SLC24A2: variants seen among roughly 807,000 people sequenced by gnomAD.
SLC24A2 encodes the protein solute carrier family 24 member 2.
Under a neutral mutation model 62.0 loss-of-function variants are expected in SLC24A2, and 36 were observed. The observed-to-expected ratio is 0.58, with a 90% CI of 0.44 to 0.77. The LOEUF (loss-of-function observed/expected upper bound fraction) is 0.77. Among genes scored for constraint, SLC24A2 ranks in the 30% least tolerant of loss-of-function variants. The probability of loss-of-function intolerance (pLI) is 0.00; values close to 1 mark genes in which losing one functional copy is unlikely to be tolerated. For missense variants in SLC24A2, 846 were observed against 817.9 expected, an observed-to-expected ratio of 1.03 and a Z score of -0.42; for synonymous variants, 358 against 294.0, an observed-to-expected ratio of 1.22 and a Z score of -2.23.
At chr9:19,742,776 A>G (rs558821040) in intron 2 of SLC24A2, among the ~76,000 whole-genome samples, 1 of 152,252 alleles carries the variant, frequency 6.6e-6, no homozygotes, top group South Asian at 2.1e-4. Flanking sequence ...CCCTACCTCC[A>G]CATACATACA....
At chr9:19,519,348 C>CTT (rs1563927301) in intron 10 of SLC24A2, among the ~76,000 whole-genome samples, 10 of 105,200 alleles carry the variant, frequency 9.5e-5, no homozygotes, top group Admixed American at 3.1e-4. Context: ...TTTAAACTTC[C>CTT]TTGTGTGTGT....
intron 2 of SLC24A2, among the ~76,000 whole-genome samples, chr9:19,700,484 C>A (rs1255482627): frequency 6.6e-6 from 1 of 152,118 alleles, no homozygotes; most frequent in East Asian, 1.9e-4. Flanking sequence ...CCTTTCTCCA[C>A]CCTTTTACGA....
chr9:20,018,096 G>A, the SLC24A2 span, among the ~76,000 whole-genome samples: 6 of 152,042 alleles, frequency 3.9e-5, no homozygotes, highest in East Asian at 3.9e-4. Context: ...ACAGGCACCC[G>A]CCACCAGGCC....
the SLC24A2 span, among the ~76,000 whole-genome samples, chr9:19,885,484 G>T: frequency 1.6e-4 from 24 of 152,292 alleles, no homozygotes; most frequent in African/African-American, 5.5e-4. Flanking sequence ...GAAACTCTAT[G>T]AAAGTTCGTT....
chr9:19,600,364 G>T (rs10964234), intron 4 of SLC24A2, among the ~76,000 whole-genome samples: 23,234 of 152,186 alleles, frequency 0.15, 2,494 homozygotes, highest in East Asian at 0.41. Flanking sequence ...CTAGCCAAAA[G>T]AGTGACTTTT....
the SLC24A2 span, among the ~76,000 whole-genome samples, chr9:20,017,057 CTG>C: frequency 2.0e-5 from 3 of 152,312 alleles, no homozygotes; most frequent in Admixed American, 6.5e-5. Context: ...GAGTCTCACT[CTG>C]TGGCCCAGGC....
At chr9:19,992,662 T>C in the SLC24A2 span, among the ~76,000 whole-genome samples, 2 of 152,214 alleles carry the variant, frequency 1.3e-5, no homozygotes, top group Non-Finnish European at 2.9e-5. Context: ...TTCATCTCAG[T>C]TGACTGGGTA....
At chr9:20,100,216 T>G in the SLC24A2 span, among the ~76,000 whole-genome samples, 1 of 151,944 alleles carries the variant, frequency 6.6e-6, no homozygotes, top group Non-Finnish European at 1.5e-5. Flanking sequence ...TTTTTTTGTT[T>G]TTTTGTTTTG....
chr9:20,001,983 C>T, the SLC24A2 span, among the ~76,000 whole-genome samples: 9 of 152,236 alleles, frequency 5.9e-5, no homozygotes, highest in African/African-American at 2.2e-4. Context: ...TTTAATACAG[C>T]ATTTCTAAAA....
chr9:19,925,507 G>A, the SLC24A2 span, among the ~76,000 whole-genome samples: 2 of 152,228 alleles, frequency 1.3e-5, no homozygotes, highest in East Asian at 1.9e-4. Flanking sequence ...AGTTCTTGCT[G>A]CCAAAAAGCT....
intron 5 of SLC24A2, among the ~76,000 whole-genome samples, chr9:19,582,822 A>G (rs7862537): frequency 0.11 from 16,897 of 152,044 alleles, 986 homozygotes; most frequent in African/African-American, 0.14. Flanking sequence ...CTCACACCCC[A>G]CATGCCATCT....
the SLC24A2 span, among the ~76,000 whole-genome samples, chr9:20,272,229 CT>C: frequency 1.3e-5 from 2 of 152,112 alleles, no homozygotes; most frequent in African/African-American, 4.8e-5. Flanking sequence ...AAATGAAGTC[CT>C]TTTTGAGACC....
At chr9:19,725,293 G>A (rs1821139339) in intron 2 of SLC24A2, among the ~76,000 whole-genome samples, 2 of 152,166 alleles carry the variant, frequency 1.3e-5, no homozygotes, top group South Asian at 4.1e-4. Context: ...CATCTGGTAA[G>A]TGGTTAATTT....
chr9:19,845,925 A>AT, the SLC24A2 span, among the ~76,000 whole-genome samples: 223 of 151,600 alleles, frequency 1.5e-3, 1 homozygote, highest in African/African-American at 5.1e-3. Context: ...GTTCATTTCT[A>AT]TTTTTATTCC....
At chr9:20,138,274 A>G in the SLC24A2 span, among the ~76,000 whole-genome samples, 1 of 152,208 alleles carries the variant, frequency 6.6e-6, no homozygotes, top group Non-Finnish European at 1.5e-5. Flanking sequence ...AAAACTGCCA[A>G]ATGTGCTTTG....
At chr9:19,856,430 C>A in the SLC24A2 span, among the ~76,000 whole-genome samples, 3 of 152,018 alleles carry the variant, frequency 2.0e-5, no homozygotes, top group Admixed American at 2.0e-4. Context: ...AGCTTATCTA[C>A]CTTCGAACTT....
the SLC24A2 span, among the ~76,000 whole-genome samples, chr9:19,944,458 A>G: frequency 1.3e-5 from 2 of 151,920 alleles, no homozygotes; most frequent in East Asian, 1.9e-4. Context: ...AAAAAAAAAA[A>G]AGGAAGGATG....
intron 9 of SLC24A2, among the ~76,000 whole-genome samples, chr9:19,525,868 A>G (rs1043727755): frequency 1.3e-5 from 2 of 151,594 alleles, no homozygotes; most frequent in Non-Finnish European, 2.9e-5. Flanking sequence ...ACATACCATA[A>G]AATTTAGCCA....
the SLC24A2 span, among the ~76,000 whole-genome samples, chr9:19,807,620 T>C: frequency 6.6e-6 from 1 of 152,336 alleles, no homozygotes; most frequent in Admixed American, 6.5e-5. Flanking sequence ...GATATGAAAG[T>C]CTCTTTCACA....
Sources: allele counts gnomAD v4.1 joint callset (sites outside exome capture counted in the v4.1 genomes callset), GRCh38; gene constraint gnomAD v4.1.1; transcripts MANE v1.5; gene names NCBI Gene and HGNC (gene_info 2026-07-23, HGNC 2026-07-21).